Variants in WFIKKN1 observed in about 807,000 individuals in gnomAD.
WFIKKN1 encodes the protein WAP, Kazal, immunoglobulin, Kunitz and NTR domain-containing protein 1.
A neutral mutation model predicts 4.6 loss-of-function variants in WFIKKN1; 6 were observed. The ratio of observed to expected loss-of-function variants is 1.31; its 90% confidence interval spans 0.72 to 2.59. The LOEUF is 2.59. WFIKKN1 is among the 30% of genes most tolerant of loss of function. WFIKKN1 has a pLI of 0.00. For synonymous variants in WFIKKN1, 468 were observed against 367.4 expected (o/e 1.27, Z -3.13); for missense variants, 964 against 818.0 (o/e 1.18, Z -2.18).
At chr16:631,642 C>G in intron 1 of WFIKKN1, 1 of 343,092 alleles carries the variant, frequency 2.9e-6, no homozygotes, top group Non-Finnish European at 4.4e-6. Flanking sequence ...TGCCTCCACC[C>G]TGGGGCACCA....
rs750577342 is a variant in WFIKKN1, at chr16:633,098, A to G, written c.688A>G (p.Ile230Val). ...GCAGAGTCACCAGCGAGAGAACCTG[A>G]TCATGCGCCCTGATCAGATGTATGG... is the stretch of plus-strand genomic sequence containing the variant. Reference protein sequence around the residue: ...EKQSHQRENLIMRPDQMYGNV... With the variant: ...EKQSHQRENLVMRPDQMYGNV... The change falls in exon 2 of 2, where the codon ATC becomes GTC. Residue 230 changes from isoleucine to valine, a missense_variant. Physicochemically the swap from Ile to Val is conservative, Grantham distance 29. Coordinates refer to ENST00000319070, the MANE Select transcript of WFIKKN1 (RefSeq NM_053284.3). The G allele has an allele frequency of 2.4e-5, 38 of 1,612,132 alleles. No individual in the cohort carries two copies. In the East Asian group the frequency reaches 2.5e-4, roughly 10 times the overall value.
chr16:631,570 C>T lies in WFIKKN1; in HGVS notation c.171+146C>T, dbSNP rs956025535. ...TTAAGGGGCCCAGAGACACCCCCAT[C>T]GTTGCCCTCATTTGTCTTAAGAATA... On this transcript the variant is annotated intron_variant, in intron 1 of 1. Transcript: ENST00000319070. The T allele has an allele frequency of 6.1e-4, 606 of 989,090 alleles. 1 individual carries two copies. The highest frequency in any genetic ancestry group is 1.1e-3 in the South Asian group (59 of 51,648). 61.3% of individuals were successfully genotyped at this position (989,090 alleles called of 1,614,324 possible). A position where few individuals can be genotyped will look rare whatever the true frequency, so the allele number is the denominator to read the frequency against.
In WFIKKN1 at chr16:631,212, G is replaced by A; in HGVS notation, c.-42G>A. 6.6e-7 allele frequency: 1 copy of A among 1,524,278 alleles called. No homozygotes were observed. Among genetic ancestry groups the A allele is most frequent in the Non-Finnish European group, 8.8e-7 (1 of 1,141,594 alleles). The allele number at this position is 1,524,278 out of a possible 1,614,324, so 94.4% of individuals were successfully genotyped here. A position where few individuals can be genotyped will look rare whatever the true frequency, so the allele number is the denominator to read the frequency against. On this transcript the variant is annotated 5_prime_UTR_variant, in exon 1 of 2. Transcript: ENST00000319070. ...TGGGCTCTGTGGAGCCCGAGGAGGG[G>A]CTGGTGGCCACACCCCCCGGCCCCC...
rs2036998768 is a variant in WFIKKN1 at position 634,106 on chromosome 16, C to T, written c.*49C>T. On this transcript the variant is annotated 3_prime_UTR_variant, in exon 2 of 2. Transcript: ENST00000319070. Reference sequence around the variant, plus strand: ...CCGTCCTGGTGAATAAACGCACTCCCTGTGCCTCAGACCTCCTGGCTTGCT... The same window carrying T: ...CCGTCCTGGTGAATAAACGCACTCCTTGTGCCTCAGACCTCCTGGCTTGCT... The T allele has an allele frequency of 4.0e-6, 6 of 1,483,964 alleles. No individual in the cohort carries two copies. The African/African-American group carries it at 4.2e-5, about 10-fold the overall frequency. The allele number at this position is 1,483,964 out of a possible 1,614,324, so 91.9% of individuals were successfully genotyped here. A position where few individuals can be genotyped will look rare whatever the true frequency, so the allele number is the denominator to read the frequency against.
At position 633,343 on chromosome 16, in the gene WFIKKN1, C is replaced by T. The variant is rs780055381; in HGVS notation, c.933C>T (p.Ser311=). The T allele has an allele frequency of 2.2e-5, 34 of 1,579,928 alleles. No individual in the cohort carries two copies. The highest frequency in any genetic ancestry group is 3.3e-4 in the Middle Eastern group (2 of 6,010). The change falls in exon 2 of 2, where the codon TCC becomes TCT. Residue 311 remains serine, a synonymous_variant. Transcript: ENST00000319070. ...PDVQACTGPT[S]PHLVLWHYDP... ...TGCAGGCCTGCACGGGCCCCACTTC[C>T]CCACACCTTGTCCTCTGGCACTACG...
In WFIKKN1 at chr16:631,055, C is replaced by G. The variant is rs2036942977; in HGVS notation, c.-199C>G. 1.6e-6 allele frequency: 1 copy of G among 616,064 alleles called. No homozygotes were observed. The highest frequency in any genetic ancestry group is 2.8e-6 in the Non-Finnish European group (1 of 363,078). The allele number at this position is 616,064 out of a possible 1,614,324, so 38.2% of individuals were successfully genotyped here. On this transcript the variant is annotated 5_prime_UTR_variant, in exon 1 of 2. Coordinates refer to ENST00000319070, the MANE Select transcript of WFIKKN1 (RefSeq NM_053284.3). ...AGACGGCCTCTGAGAACTTGGAGAC[C>G]CCGTTACCCACCCAGCAGGGGTGTC...
chr16:632,562 TAA>T lies in WFIKKN1; in HGVS notation c.172-19_172-18del. Reference sequence around the variant, plus strand: ...GGCGGGGGGCATTGGGGCTCCCACCTAAGTGTCCCCCATCCCCAGGACTGTGC... The same window carrying T: ...GGCGGGGGGCATTGGGGCTCCCACCTGTGTCCCCCATCCCCAGGACTGTGC... On this transcript the variant is annotated intron_variant, in intron 1 of 1. Transcript: ENST00000319070. The T allele has an allele frequency of 6.7e-7, 1 of 1,492,076 alleles. No individual in the cohort carries two copies. The highest frequency in any genetic ancestry group is 8.9e-7 in the Non-Finnish European group (1 of 1,120,082). The allele number at this position is 1,492,076 out of a possible 1,614,324, so 92.4% of individuals were successfully genotyped here. A position where few individuals can be genotyped will look rare whatever the true frequency, so the allele number is the denominator to read the frequency against.
At chr16:631,553 C>A in intron 1 of WFIKKN1, 129 bp downstream of exon 1, 2 of 1,119,038 alleles carry the variant, frequency 1.8e-6, no homozygotes, top group Admixed American at 3.4e-5. Context: ...CCTTAAGGGG[C>A]CCAGAGACAC....
chr16:632,264 C>G (rs2036960138), intron 1 of WFIKKN1: 1 of 289,338 alleles, frequency 3.5e-6, no homozygotes, highest in South Asian at 1.4e-4. Context: ...CGATGTCCAG[C>G]CTTTGTCCTG....
rs189663636 is a variant in WFIKKN1 at position 633,204 on chromosome 16, C to T, written c.794C>T (p.Ala265Val). The T allele has an allele frequency of 7.5e-6, 12 of 1,592,130 alleles. No homozygotes were observed. The highest frequency in any genetic ancestry group is 4.0e-5 in the African/African-American group (3 of 74,272). The stretch of plus-strand genomic sequence containing the variant: ...GACGCCGGCCTGTACACCTGCACCG[C>T]GCGCAACGCTGCTGGGCTGCTGCGG... ...PEDAGLYTCT[A>V]RNAAGLLRAD... is the part of the protein sequence containing the mutation. The change falls in exon 2 of 2, where the codon GCG (alanine) becomes GTG (valine). Residue 265 changes from alanine to valine, a missense_variant. Physicochemically the swap from Ala to Val is moderately conservative, Grantham distance 64. Coordinates refer to ENST00000319070, the MANE Select transcript of WFIKKN1 (RefSeq NM_053284.3).
rs373234795 is a variant in WFIKKN1, at chr16:632,825, T to C, written c.415T>C (p.Cys139Arg). 3.3e-5 allele frequency: 52 copies of C among 1,581,136 alleles called. No individual in the cohort carries two copies. Among genetic ancestry groups the C allele is most frequent in the African/African-American group, 5.4e-5 (4 of 74,054 alleles). Reference protein sequence around the residue: ...ASDGLTYYNRCYMDAEACLRG... With the variant: ...ASDGLTYYNRRYMDAEACLRG... ...GGACGGCCTCACCTACTACAACCGC[T>C]GCTATATGGACGCCGAGGCCTGCCT... Residue 139 changes from cysteine to arginine, a missense_variant, in exon 2 of 2, where the codon TGC becomes CGC. Cys to Arg is a radical substitution (Grantham distance 180, BLOSUM62 -3). Transcript: ENST00000319070.
rs769959013 is a variant in WFIKKN1 at position 632,737 on chromosome 16, C to T, written c.327C>T (p.Asp109=). The T allele has an allele frequency of 8.7e-6, 14 of 1,610,450 alleles. No individual in the cohort carries two copies. Among genetic ancestry groups the T allele is most frequent in the Admixed American group, 6.7e-5 (4 of 59,834 alleles). The change falls in exon 2 of 2, where the codon GAC becomes GAT. Residue 109 remains aspartate, a synonymous_variant. Transcript: ENST00000319070. The stretch of plus-strand genomic sequence containing the variant: ...AGGGCTCGGACTGCGACATCTGGGA[C>T]GGGCAGCCCGTGTGCCGCTGCCGCG... ...PQQGSDCDIW[D]GQPVCRCRDR... is the part of the protein sequence containing the mutation.
chr16:633,157 G>A lies in WFIKKN1; in HGVS notation c.747G>A (p.Val249=). Residue 249 remains valine, a synonymous_variant, in exon 2 of 2, where the codon GTG becomes GTA. Coordinates refer to ENST00000319070, the MANE Select transcript of WFIKKN1 (RefSeq NM_053284.3). ...NVVVTSIGQL[V]LYNARPEDAG... ...TGGTCACCAGCATCGGGCAGCTGGT[G>A]CTCTACAACGCGCGGCCCGAAGACG... 1 of 1,602,014 alleles carries A rather than the reference G, an allele frequency of 6.2e-7. No individual in the cohort carries two copies. The highest frequency in any genetic ancestry group is 8.5e-7 in the Non-Finnish European group (1 of 1,172,526).
rs1466107054 is a variant in WFIKKN1, at chr16:633,471, G to A, written c.1061G>A (p.Gly354Asp). The part of the protein sequence containing the change: ...YEACQQACAR[G>D]PGDACVLPAV... ...GCATGCCAGCAGGCCTGTGCCCGCG[G>A]CCCCGGCGACGCCTGCGTGCTGCCT... Residue 354 changes from glycine to aspartate, a missense_variant, in exon 2 of 2, where the codon GGC (glycine) becomes GAC (aspartate). By Grantham distance (94) the Gly-to-Asp change is moderately conservative. Coordinates refer to ENST00000319070, the MANE Select transcript of WFIKKN1 (RefSeq NM_053284.3). 6.6e-7 allele frequency: 1 copy of A among 1,523,582 alleles called. No individual in the cohort carries two copies. The allele number at this position is 1,523,582 out of a possible 1,614,324, so 94.4% of individuals were successfully genotyped here.
chr16:633,251 G>A lies in WFIKKN1; in HGVS notation c.841G>A (p.Val281Ile), dbSNP rs997406859. ...LLRADFPLSV[V>I]QREPARDAAP... The stretch of plus-strand genomic sequence containing the variant: ...GCGGGCTGACTTCCCACTCTCTGTG[G>A]TCCAGCGAGAGCCGGCCAGGGACGC... Residue 281 changes from valine to isoleucine, a missense_variant, in exon 2 of 2, where the codon GTC (valine) becomes ATC (isoleucine). Physicochemically the swap from Val to Ile is conservative, Grantham distance 29. Transcript: ENST00000319070. 3.2e-6 allele frequency: 5 copies of A among 1,585,384 alleles called. No homozygotes were observed. The highest frequency in any genetic ancestry group is 3.4e-6 in the Non-Finnish European group (4 of 1,168,252).
At position 632,620 on chromosome 16, in the gene WFIKKN1, T is replaced by C; in HGVS notation, c.210T>C (p.Cys70=). 1 of 1,585,066 alleles carries C rather than the reference T, an allele frequency of 6.3e-7. No individual in the cohort carries two copies. Among genetic ancestry groups the C allele is most frequent in the Non-Finnish European group, 8.6e-7 (1 of 1,163,564 alleles). The change falls in exon 2 of 2, where the codon TGT becomes TGC. Residue 70 remains cysteine, a synonymous_variant. Coordinates refer to ENST00000319070, the MANE Select transcript of WFIKKN1 (RefSeq NM_053284.3). ...AAAEKCCINV[C]GLHSCVAARF... The stretch of plus-strand genomic sequence containing the variant: ...CTGAGAAGTGCTGCATCAACGTGTG[T>C]GGACTGCACAGCTGCGTGGCAGCAC...
Position 633,479 on chromosome 16 carries a change from GACGCCTGCGTGCTGCCTGCCGTGCA to G in WFIKKN1, c.1070_1094del (p.Asp357GlyfsTer64). On this transcript the variant is annotated frameshift_variant, in exon 2 of 2. Coordinates refer to ENST00000319070, the MANE Select transcript of WFIKKN1 (RefSeq NM_053284.3). LOFTEE classifies it low-confidence loss of function (END_TRUNC). ...GCAGGCCTGTGCCCGCGGCCCCGGCGACGCCTGCGTGCTGCCTGCCGTGCAGGGCCCCTGCCGGGGCTGGGAGCCG... is the reference window on the plus strand; with the variant it reads ...GCAGGCCTGTGCCCGCGGCCCCGGCGGGGCCCCTGCCGGGGCTGGGAGCCG... 1 of 1,520,722 alleles carries G rather than the reference GACGCCTGCGTGCTGCCTGCCGTGCA, an allele frequency of 6.6e-7. No homozygotes were observed. The highest frequency in any genetic ancestry group is 8.7e-7 in the Non-Finnish European group (1 of 1,142,872). The allele number at this position is 1,520,722 out of a possible 1,614,324, so 94.2% of individuals were successfully genotyped here.
In WFIKKN1 at chr16:633,670, C is replaced by T; in HGVS notation, c.1260C>T (p.Cys420=). 1 of 1,576,472 alleles carries T rather than the reference C, an allele frequency of 6.3e-7. No individual in the cohort carries two copies. Among genetic ancestry groups the T allele is most frequent in the Non-Finnish European group, 8.6e-7 (1 of 1,162,680 alleles). ...PVPRTPPCRA[C]RLRSKLALSL... The stretch of plus-strand genomic sequence containing the variant: ...CGCGCACACCGCCCTGCCGCGCCTG[C>T]CGCCTCCGGAGCAAGCTGGCGCTGA... The change falls in exon 2 of 2, where the codon TGC becomes TGT. Residue 420 remains cysteine (C), a synonymous_variant. Transcript: ENST00000319070.
In WFIKKN1 at chr16:633,516, G is replaced by C. The variant is rs1040764831; in HGVS notation, c.1106G>C (p.Arg369Pro). 3 of 1,506,912 alleles carry C rather than the reference G, an allele frequency of 2.0e-6. No homozygotes were observed. The highest frequency in any genetic ancestry group is 2.6e-6 in the Non-Finnish European group (3 of 1,137,856). The allele number at this position is 1,506,912 out of a possible 1,614,324, so 93.3% of individuals were successfully genotyped here. Residue 369 changes from arginine (R) to proline (P), a missense_variant, in exon 2 of 2, where the codon CGG (arginine) becomes CCG (proline). Arg to Pro is a moderately radical substitution (Grantham distance 103, BLOSUM62 -2). Transcript: ENST00000319070. ...CTGCCTGCCGTGCAGGGCCCCTGCC[G>C]GGGCTGGGAGCCGCGCTGGGCCTAC... ...CVLPAVQGPC[R>P]GWEPRWAYSP...
Sources: gnomAD v4.1 joint callset for allele counts on GRCh38, gnomAD v4.1.1 for gene constraint, MANE v1.5 for transcripts, NCBI Gene and HGNC (gene_info 2026-07-23, HGNC 2026-07-21) for gene names.